Variants in TOP6BL observed in about 807,000 individuals in gnomAD.
The protein encoded by TOP6BL is TOP6B like initiator of meiotic double strand breaks.
the TOP6BL span, among the ~76,000 whole-genome samples, chr11:66,800,221 G>T: frequency 6.6e-6 from 1 of 152,202 alleles, no homozygotes; most frequent in African/African-American, 2.4e-5. Context: ...GGTTACCAGA[G>T]GCTGGGAGTG....
the TOP6BL span, among the ~76,000 whole-genome samples, chr11:66,750,548 AAAAC>A: frequency 2.4e-4 from 36 of 151,760 alleles, no homozygotes; most frequent in Middle Eastern, 3.4e-3. Flanking sequence ...ACTCCATCTC[AAAAC>A]AAACAAACAA....
At chr11:66,753,396 A>C in the TOP6BL span, among the ~76,000 whole-genome samples, 1 of 145,474 alleles carries the variant, frequency 6.9e-6, no homozygotes, top group Non-Finnish European at 1.5e-5. Context: ...TCTATTGGCC[A>C]GGACTTAGTC....
the TOP6BL span, among the ~76,000 whole-genome samples, chr11:66,809,786 C>A: frequency 6.6e-6 from 1 of 152,146 alleles, no homozygotes; most frequent in African/African-American, 2.4e-5. Flanking sequence ...TCACTGCAAC[C>A]TCGAACTTCT....
chr11:66,756,383 A>G, the TOP6BL span: 4 of 1,176,088 alleles, frequency 3.4e-6, no homozygotes, highest in South Asian at 3.0e-5. Context: ...CCCAGGCCGG[A>G]GTGCAGTGGC....
the TOP6BL span, among the ~76,000 whole-genome samples, chr11:66,756,730 G>A: frequency 1.3e-5 from 2 of 151,802 alleles, no homozygotes; most frequent in African/African-American, 4.8e-5. Context: ...TTTTTTCTGA[G>A]ATGGGGTCTT....
chr11:66,749,562 G>A, the TOP6BL span, among the ~76,000 whole-genome samples: 4 of 151,970 alleles, frequency 2.6e-5, no homozygotes, highest in East Asian at 5.8e-4. Context: ...AGTAATTATG[G>A]TTATAATTAT....
the TOP6BL span, among the ~76,000 whole-genome samples, chr11:66,767,628 T>A: frequency 6.6e-6 from 1 of 152,314 alleles, no homozygotes; most frequent in East Asian, 1.9e-4. Flanking sequence ...CAAATAAAAT[T>A]TACAGCCTTC....
At chr11:66,762,514 G>A in the TOP6BL span, 1 of 229,672 alleles carries the variant, frequency 4.4e-6, no homozygotes, top group Admixed American at 6.0e-5. Context: ...CTGTCGCCCA[G>A]GCTAGAGAGC....
At chr11:66,784,986 C>A in the TOP6BL span, among the ~76,000 whole-genome samples, 2 of 117,768 alleles carry the variant, frequency 1.7e-5, no homozygotes, top group Non-Finnish European at 3.3e-5. Context: ...TTGAGAGTCT[C>A]GCTCTATCGC....
At chr11:66,827,363 T>G in the TOP6BL span, among the ~76,000 whole-genome samples, 1 of 152,202 alleles carries the variant, frequency 6.6e-6, no homozygotes, top group African/African-American at 2.4e-5. Context: ...TTCTCCTTTT[T>G]GAATTTCAAT....
chr11:66,835,507 C>T, the TOP6BL span, among the ~76,000 whole-genome samples: 2 of 152,134 alleles, frequency 1.3e-5, no homozygotes, highest in East Asian at 3.8e-4. Flanking sequence ...GTGCAGCCAT[C>T]GCCACTAAAA....
At chr11:66,830,233 G>A in the TOP6BL span, among the ~76,000 whole-genome samples, 1 of 152,064 alleles carries the variant, frequency 6.6e-6, no homozygotes, top group Non-Finnish European at 1.5e-5. Context: ...AATTATTACA[G>A]CAAAATCAAT....
At chr11:66,759,186 G>A in the TOP6BL span, 2,046 of 863,156 alleles carry the variant, frequency 2.4e-3, 7 homozygotes, top group Middle Eastern at 5.6e-3. Context: ...GAAAGAAAGA[G>A]CTGACAGATT....
the TOP6BL span, chr11:66,800,882 A>G: frequency 2.0e-6 from 2 of 980,362 alleles, no homozygotes; most frequent in Non-Finnish European, 3.1e-6. Context: ...GAGGGGGTAA[A>G]CTTAAAGATT....
At chr11:66,779,876 T>G in the TOP6BL span, among the ~76,000 whole-genome samples, 1 of 152,086 alleles carries the variant, frequency 6.6e-6, no homozygotes, top group Non-Finnish European at 1.5e-5. Context: ...TGGATGAAGC[T>G]GGAAACCATC....
chr11:66,768,255 T>A, the TOP6BL span, among the ~76,000 whole-genome samples: 1 of 148,742 alleles, frequency 6.7e-6, no homozygotes, highest in African/African-American at 2.4e-5. Flanking sequence ...GTAATCAAGT[T>A]TTTTTTTTTT....
chr11:66,839,795 G>T, the TOP6BL span, among the ~76,000 whole-genome samples: 1 of 152,094 alleles, frequency 6.6e-6, no homozygotes, highest in African/African-American at 2.4e-5. Context: ...TCCCATACAA[G>T]GAAAAAAATT....
the TOP6BL span, among the ~76,000 whole-genome samples, chr11:66,812,219 C>G: frequency 7.3e-6 from 1 of 137,668 alleles, no homozygotes; most frequent in Non-Finnish European, 1.5e-5. Context: ...CTCTGTCGCC[C>G]AGGCTGGAGT....
At chr11:66,835,515 A>C in the TOP6BL span, among the ~76,000 whole-genome samples, 31 of 152,330 alleles carry the variant, frequency 2.0e-4, no homozygotes, top group Non-Finnish European at 4.1e-4. Flanking sequence ...ATCGCCACTA[A>C]AATTACAGAA....
Sources: gnomAD v4.1 joint callset for allele counts (sites outside exome capture counted in the v4.1 genomes callset) on GRCh38, gnomAD v4.1.1 for gene constraint, MANE v1.5 for transcripts, NCBI Gene and HGNC (gene_info 2026-07-23, HGNC 2026-07-21) for gene names.